SCUBE1: variants seen among roughly 807,000 people sequenced by gnomAD.
SCUBE1 encodes signal peptide, CUB and EGF-like domain-containing protein 1.
In SCUBE1, 59 loss-of-function variants were observed where a neutral mutation model predicts 124.4. The ratio of observed to expected loss-of-function variants is 0.47; its 90% CI spans 0.38 to 0.59. The LOEUF (loss-of-function observed/expected upper bound fraction) is 0.59, where lower values mean the gene tolerates loss of function less well. Ranked by LOEUF, SCUBE1 falls within the 20% of genes least tolerant of loss-of-function variation. SCUBE1 has a pLI of 0.00. For synonymous variants in SCUBE1, 545 were observed against 550.9 expected (o/e 0.99, Z 0.15); for missense variants, 1,150 against 1,371.2 (o/e 0.84, Z 2.55).
Position 43,262,756 on chromosome 22 carries a change from C to T in SCUBE1, c.574G>A (p.Gly192Ser), listed in dbSNP as rs1254265383. The T allele has an allele frequency of 4.3e-6, 7 of 1,614,160 alleles. No individual in the cohort carries two copies. Among genetic ancestry groups the T allele is most frequent in the Non-Finnish European group, 5.1e-6 (6 of 1,180,012 alleles). The change falls in exon 5 of 22, where the codon GGC (glycine) becomes AGC (serine). Residue 192 changes from glycine (G) to serine (S), a missense_variant. This residue lies in a region of SCUBE1 where 337 missense variants were observed against 482.1 expected (regional missense o/e 0.70). Transcript: ENST00000360835. ...TTCTGGTTTTGGGCAAGGTCAAAGC[C>T]GGGCCTGCAGTCGCAGGCCACCCCA... ...KGGVACDCRP[G>S]FDLAQNQKDC...
chr22:43,207,708 C>T, intron 20 of SCUBE1, 95 bp from the exon 21 acceptor site: 1 of 962,782 alleles, frequency 1.0e-6, no homozygotes, highest in Non-Finnish European at 1.7e-6. Flanking sequence ...CTCCTGTGCT[C>T]CAGCCACGGG....
chr22:43,301,217 G>C (rs1002755252), intron 3 of SCUBE1, among the ~76,000 whole-genome samples: 1 of 152,030 alleles, frequency 6.6e-6, no homozygotes, highest in Non-Finnish European at 1.5e-5. Flanking sequence ...TGGGCCAGTC[G>C]CCCTCGTCTC....
Position 43,255,639 on chromosome 22 carries a change from C to A in SCUBE1, c.727+2580G>T. On this transcript the variant is annotated intron_variant, in intron 6 of 21. Coordinates refer to ENST00000360835, the MANE Select transcript of SCUBE1 (RefSeq NM_173050.5). This position sits in a 1 kb window ranked among gnomAD's most constrained non-coding sequence, Gnocchi z 4.7. The stretch of plus-strand genomic sequence containing the variant: ...GTTAATGACAGCCCACTTCCCGCGG[C>A]CCAAGACAGTCAGCCTCTCGGCGTG... The A allele has an allele frequency of 2.9e-6, 4 of 1,398,248 alleles. No individual in the cohort carries two copies. The highest frequency in any genetic ancestry group is 1.2e-5 in the South Asian group (1 of 81,184). 86.6% of individuals were successfully genotyped at this position (1,398,248 alleles called of 1,614,324 possible).
intron 21 of SCUBE1, among the ~76,000 whole-genome samples, chr22:43,206,529 G>A (rs1921288760): frequency 6.6e-6 from 1 of 152,040 alleles, no homozygotes; most frequent in African/African-American, 2.4e-5. Flanking sequence ...CAGGAAGGAG[G>A]GGCACGCGGG....
At chr22:43,287,481 C>T (rs1426932398) in intron 4 of SCUBE1, among the ~76,000 whole-genome samples, 2 of 152,348 alleles carry the variant, frequency 1.3e-5, no homozygotes, top group South Asian at 4.1e-4. Context: ...TAGCCAGGGT[C>T]GCAGCCATGC....
At chr22:43,330,786 G>C (rs1926879441) in intron 2 of SCUBE1, among the ~76,000 whole-genome samples, 1 of 152,226 alleles carries the variant, frequency 6.6e-6, no homozygotes, top group South Asian at 2.1e-4. Context: ...AAGCAACATT[G>C]CCTAATTGCT....
intron 15 of SCUBE1, among the ~76,000 whole-genome samples, chr22:43,217,400 T>A (rs555649779): frequency 1.4e-5 from 2 of 147,636 alleles, no homozygotes; most frequent in South Asian, 4.4e-4. Flanking sequence ...TTGGCCGGCG[T>A]CAGGAAGCGA....
intron 6 of SCUBE1, among the ~76,000 whole-genome samples, chr22:43,249,117 A>T (rs893355908): frequency 6.6e-6 from 1 of 151,998 alleles, no homozygotes; most frequent in African/African-American, 2.4e-5. Flanking sequence ...ACCTGGGTAG[A>T]GAGAAGAGGA....
chr22:43,343,132 G>GC, intron 1 of SCUBE1, 42 bp downstream of exon 1: 6 of 1,027,364 alleles, frequency 5.8e-6, no homozygotes, highest in South Asian at 4.5e-5. Flanking sequence ...GGCCGCCCGA[G>GC]CCCCCCGCGC....
At chr22:43,238,542 A>C in intron 7 of SCUBE1, 1 of 594,146 alleles carries the variant, frequency 1.7e-6, no homozygotes, top group Non-Finnish European at 3.0e-6. Flanking sequence ...CGCTGGCTTA[A>C]CTGTTTAACC....
intron 21 of SCUBE1, among the ~76,000 whole-genome samples, chr22:43,205,538 T>C (rs923137008): frequency 6.6e-6 from 1 of 151,738 alleles, no homozygotes; most frequent in Non-Finnish European, 1.5e-5. Context: ...GGGGTGGACC[T>C]GTCCTGGCAC....
intron 4 of SCUBE1, among the ~76,000 whole-genome samples, chr22:43,277,673 C>T (rs1482474915): frequency 6.6e-6 from 1 of 152,242 alleles, no homozygotes; most frequent in African/African-American, 2.4e-5. Context: ...AGCTACATGA[C>T]ACAGACTGTT....
intron 10 of SCUBE1, among the ~76,000 whole-genome samples, chr22:43,226,990 C>T (rs1277898381): frequency 6.6e-6 from 1 of 152,128 alleles, no homozygotes; most frequent in East Asian, 1.9e-4. Context: ...CTCAGCAAGA[C>T]AAGGGGAAGC....
intron 3 of SCUBE1, among the ~76,000 whole-genome samples, chr22:43,317,383 A>G (rs1476121020): frequency 6.6e-6 from 1 of 152,200 alleles, no homozygotes; most frequent in Non-Finnish European, 1.5e-5. Context: ...AGGCTCAGAC[A>G]CCATGTAGAT....
intron 4 of SCUBE1, among the ~76,000 whole-genome samples, chr22:43,271,668 C>A (rs2146722356): frequency 6.6e-6 from 1 of 152,256 alleles, no homozygotes; most frequent in East Asian, 1.9e-4. Context: ...TTCTCTGGGG[C>A]AAATCTAGGC....
At chr22:43,223,022 T>TG in intron 11 of SCUBE1, 75 bp downstream of exon 11, 1 of 1,484,082 alleles carries the variant, frequency 6.7e-7, no homozygotes, top group Non-Finnish European at 9.0e-7. Flanking sequence ...GGAGGACAGC[T>TG]GGGAGCAATG....
chr22:43,321,311 C>T (rs374830004), intron 2 of SCUBE1, among the ~76,000 whole-genome samples: 20 of 152,298 alleles, frequency 1.3e-4, no homozygotes, highest in Admixed American at 2.6e-4. Context: ...GAGGAGCTGC[C>T]GCAGGGAGAC....
Position 43,241,348 on chromosome 22 carries a change from C to T in SCUBE1, c.728-2394G>A, listed in dbSNP as rs73420083. 7.3e-3 allele frequency among the ~76,000 whole-genome samples: 1,111 copies of T among 152,270 alleles called. 11 individuals are homozygous for T. The highest frequency in any genetic ancestry group is 0.026 in the African/African-American group (1,065 of 41,532). ...CTGCTCCGCCTCCCACTCTCATGCTCCCAGCCTCGTGGCTCCTGTGCCCTC... is the reference window on the plus strand; with the variant it reads ...CTGCTCCGCCTCCCACTCTCATGCTTCCAGCCTCGTGGCTCCTGTGCCCTC... On this transcript the variant is annotated intron_variant, in intron 6 of 21. Coordinates refer to ENST00000360835, the MANE Select transcript of SCUBE1 (RefSeq NM_173050.5).
chr22:43,201,253 A>G lies in SCUBE1; in HGVS notation c.*2744T>C, dbSNP rs1386261758. On this transcript the variant is annotated 3_prime_UTR_variant, in exon 22 of 22. Transcript: ENST00000360835. ...CGGGAGGCGGAGCTTGCAGTGAACC[A>G]AGATCGCGCCACTGCACTCCAGCCT... The G allele has an allele frequency of 2.1e-5, 3 of 144,546 alleles. No individual in the cohort carries two copies. The highest frequency in any genetic ancestry group is 3.0e-5 in the Non-Finnish European group (2 of 66,154). The allele number at this position is 144,546 out of a possible 1,614,324, so 9.0% of individuals were successfully genotyped here.
Sources: gnomAD v4.1 joint callset for allele counts (sites outside exome capture counted in the v4.1 genomes callset) on GRCh38, gnomAD v4.1.1 for gene constraint, gnomAD v4.1.1 regional missense constraint, Gnocchi (gnomAD v3.1) non-coding constraint, MANE v1.5 for transcripts, NCBI Gene and HGNC (gene_info 2026-07-23, HGNC 2026-07-21) for gene names.